The following SLC7A9 variants were observed in gnomAD, a reference collection of about 807,000 sequenced individuals.
SLC7A9 encodes solute carrier family 7 member 9.
A neutral mutation model predicts 54.1 loss-of-function variants in SLC7A9; 38 were observed. That is an observed-to-expected ratio of 0.70 (90% CI 0.54 to 0.92). The LOEUF (loss-of-function observed/expected upper bound fraction) is 0.92, where lower values mean the gene tolerates loss of function less well. SLC7A9 is among the 40% of genes least tolerant of loss of function. The pLI is 0.00. For synonymous variants in SLC7A9, 264 were observed against 258.9 expected, an observed-to-expected ratio of 1.02 and a Z score of -0.19; for missense variants, 537 against 636.1, an observed-to-expected ratio of 0.84 and a Z score of 1.68.
intron 1 of SLC7A9, among the ~76,000 whole-genome samples, chr19:32,869,083 G>A (rs1325542864): frequency 3.3e-5 from 5 of 151,098 alleles, no homozygotes; most frequent in African/African-American, 1.2e-4. Flanking sequence ...TTAGCTGGGT[G>A]TGGTGGTGGG....
At chr19:32,844,053 G>T in intron 9 of SLC7A9, 102 bp from the exon 10 acceptor site, 1 of 835,542 alleles carries the variant, frequency 1.2e-6, no homozygotes, top group Non-Finnish European at 2.0e-6. Context: ...GCCCTCGGGA[G>T]GCTCAGGAAG....
intron 11 of SLC7A9, among the ~76,000 whole-genome samples, chr19:32,838,838 A>G (rs995756471): frequency 6.7e-6 from 1 of 149,704 alleles, no homozygotes. Flanking sequence ...CATATATTAT[A>G]CATTATACAC....
intron 9 of SLC7A9, among the ~76,000 whole-genome samples, chr19:32,844,659 A>G (rs1009464426): frequency 1.3e-5 from 2 of 151,796 alleles, no homozygotes; most frequent in African/African-American, 4.8e-5. Flanking sequence ...GTGAAACCCT[A>G]TGTCTACTAA....
chr19:32,852,936 C>T (rs970052253), intron 9 of SLC7A9, among the ~76,000 whole-genome samples: 2 of 124,686 alleles, frequency 1.6e-5, no homozygotes, highest in Non-Finnish European at 3.2e-5. Context: ...TTTTGAGAGA[C>T]GGAGTCTCGC....
chr19:32,848,938 G>A (rs987405784), intron 9 of SLC7A9, among the ~76,000 whole-genome samples: 10 of 151,864 alleles, frequency 6.6e-5, no homozygotes, highest in Non-Finnish European at 1.3e-4. Context: ...ATGACTACTG[G>A]GTACATAACT....
chr19:32,837,274 T>C (rs770214924), intron 11 of SLC7A9, among the ~76,000 whole-genome samples: 1 of 152,056 alleles, frequency 6.6e-6, no homozygotes, highest in Admixed American at 6.6e-5. Context: ...GGCAGGAAGA[T>C]AACTTGAGCC....
chr19:32,833,569 C>T (rs1322727861), intron 11 of SLC7A9, among the ~76,000 whole-genome samples: 3 of 151,940 alleles, frequency 2.0e-5, no homozygotes, highest in Non-Finnish European at 4.4e-5. Flanking sequence ...AGGCCGAGGC[C>T]GGTGGGTCCC....
rs902566166 is a variant in SLC7A9, at chr19:32,860,454, G to A, written c.749+152C>T. 6.8e-6 allele frequency: 10 copies of A among 1,478,676 alleles called. No homozygotes were observed. In the East Asian group the frequency reaches 1.7e-4, roughly 26 times the overall value. 91.6% of individuals were successfully genotyped at this position (1,478,676 alleles called of 1,614,324 possible). A position where few individuals can be genotyped will look rare whatever the true frequency, so the allele number is the denominator to read the frequency against. The stretch of plus-strand genomic sequence containing the variant: ...CCACTGCACTCCAGCCTAGGCAACA[G>A]AGCAAGACTCTGTCTCAAAAAAAAA... On this transcript the variant is annotated intron_variant, in intron 7 of 12. Coordinates refer to ENST00000023064, the MANE Select transcript of SLC7A9 (RefSeq NM_014270.5).
chr19:32,859,944 A>G lies in SLC7A9; in HGVS notation c.770T>C (p.Ile257Thr). 1 of 1,614,132 alleles carries G rather than the reference A, an allele frequency of 6.2e-7. No homozygotes were observed. Among genetic ancestry groups the G allele is most frequent in the East Asian group, 2.2e-5 (1 of 44,856 alleles). ...CGCCGTCACCAGGGGGATCCCGATGATAATGGCCAAAGGCAGGTTTCTGGG... is the reference window on the plus strand; with the variant it reads ...CGCCGTCACCAGGGGGATCCCGATGGTAATGGCCAAAGGCAGGTTTCTGGG... ...NPYRNLPLAI[I>T]IGIPLVTACY... Residue 257 changes from isoleucine to threonine, a missense_variant, in exon 8 of 13, where the codon ATC becomes ACC. Ile to Thr is a moderately conservative substitution (Grantham distance 89). Coordinates refer to ENST00000023064, the MANE Select transcript of SLC7A9 (RefSeq NM_014270.5).
At chr19:32,846,971 G>C (rs2145818412) in intron 9 of SLC7A9, among the ~76,000 whole-genome samples, 1 of 152,332 alleles carries the variant, frequency 6.6e-6, no homozygotes, top group South Asian at 2.1e-4. Flanking sequence ...CTGCAGCTGA[G>C]GGTCCTGTCT....
chr19:32,838,152 G>A (rs908411400), intron 11 of SLC7A9, among the ~76,000 whole-genome samples: 3 of 152,166 alleles, frequency 2.0e-5, no homozygotes, highest in African/African-American at 7.2e-5. Context: ...CAAACTTGTA[G>A]TGGACAAACA....
chr19:32,859,739 C>T (rs898008683), intron 8 of SLC7A9, 102 bp downstream of exon 8: 34 of 1,016,188 alleles, frequency 3.3e-5, no homozygotes, highest in Non-Finnish European at 3.7e-5. Context: ...CCGTGAATAT[C>T]GCCCTCCTTC....
intron 7 of SLC7A9, 196 bp downstream of exon 7, chr19:32,860,410 T>C: frequency 7.3e-7 from 1 of 1,365,364 alleles, no homozygotes; most frequent in African/African-American, 1.5e-5. Context: ...AATACAAAAA[T>C]GAGTGAGCTG....
intron 5 of SLC7A9, 93 bp downstream of exon 5, chr19:32,862,368 T>C (rs1968825146): frequency 1.9e-6 from 3 of 1,573,722 alleles, no homozygotes; most frequent in Non-Finnish European, 2.6e-6. Context: ...CCATGCTTCC[T>C]TGGAGATGGG....
chr19:32,855,397 C>G (rs1329723863), intron 9 of SLC7A9, among the ~76,000 whole-genome samples: 2 of 152,050 alleles, frequency 1.3e-5, no homozygotes, highest in African/African-American at 2.4e-5. Context: ...ATCGCCAGTC[C>G]CTCAGCTAAT....
chr19:32,862,671 T>TA lies in SLC7A9; in HGVS notation c.479-86_479-85insT, dbSNP rs1476144842. On this transcript the variant is annotated intron_variant, in intron 4 of 12. Transcript: ENST00000023064. ...TCCTTTCTTTTATATATTTTTTATT[T>TA]TTTTTTTTTTTTGAGATGGAGTCTC... 4.1e-4 allele frequency: 495 copies of TA among 1,206,070 alleles called. 1 individual carries two copies. The highest frequency in any genetic ancestry group is 1.2e-3 in the Middle Eastern group (4 of 3,322). The allele number at this position is 1,206,070 out of a possible 1,614,324, so 74.7% of individuals were successfully genotyped here.
chr19:32,844,127 C>G (rs908243303), intron 9 of SLC7A9, among the ~76,000 whole-genome samples, 176 bp from the exon 10 acceptor site: 2 of 151,994 alleles, frequency 1.3e-5, no homozygotes, highest in African/African-American at 4.8e-5. Context: ...TGGGTTTTGG[C>G]AGAGTGAGTG....
chr19:32,844,973 G>A (rs1049167816), intron 9 of SLC7A9, among the ~76,000 whole-genome samples: 2 of 149,562 alleles, frequency 1.3e-5, no homozygotes, highest in Non-Finnish European at 3.0e-5. Context: ...GACCAGTCTG[G>A]CCAACATGGT....
rs913421704 is a variant in SLC7A9 at position 32,858,600 on chromosome 19, G to A, written c.874-57C>T. The A allele has an allele frequency of 7.7e-5, 110 of 1,426,386 alleles. No homozygotes were observed. The Admixed American group carries it at 1.0e-3, about 14-fold the overall frequency. 88.4% of individuals were successfully genotyped at this position (1,426,386 alleles called of 1,614,324 possible). ...TCTTTCTTGGCCTCCAAGAGCGGCC[G>A]GCCCCCAAAAGCTATTCTGGCCTCC... On this transcript the variant is annotated intron_variant, in intron 8 of 12. Transcript: ENST00000023064.
Sources: gnomAD v4.1 joint callset for allele counts (sites outside exome capture counted in the v4.1 genomes callset) on GRCh38, gnomAD v4.1.1 for gene constraint, MANE v1.5 for transcripts, NCBI Gene and HGNC (gene_info 2026-07-23, HGNC 2026-07-21) for gene names.